Variants in ADA observed in about 807,000 individuals in gnomAD.
ADA encodes the protein adenosine aminohydrolase.
In ADA, 45 loss-of-function variants were observed where a neutral mutation model predicts 49.0. That is an observed-to-expected ratio of 0.92 (90% CI 0.72 to 1.18). ADA has a LOEUF of 1.18. ADA is among the 50% of genes most tolerant of loss of function. The pLI, the probability that ADA is intolerant of heterozygous loss-of-function variation, is 0.00. For synonymous variants in ADA, 173 were observed against 184.2 expected, an observed-to-expected ratio of 0.94 and a Z score of 0.49; for missense variants, 445 against 472.5, an observed-to-expected ratio of 0.94 and a Z score of 0.54.
At position 44,619,652 on chromosome 20, in the gene ADA, G is replaced by C; in HGVS notation, c.*182C>G. The C allele has an allele frequency of 1.3e-6, 1 of 749,670 alleles. No individual in the cohort carries two copies. The allele number at this position is 749,670 out of a possible 1,614,324, so 46.4% of individuals were successfully genotyped here. A position where few individuals can be genotyped will look rare whatever the true frequency, so the allele number is the denominator to read the frequency against. ...GGTCCCTGGCCAGGGCACATAATCA[G>C]AGAAGTGACGCGGCCATGCCGAGGT... On this transcript the variant is annotated 3_prime_UTR_variant, in exon 12 of 12. Transcript: ENST00000372874.
chr20:44,647,617 C>T lies in ADA; in HGVS notation c.33+3958G>A, dbSNP rs780315938. ...GCCTTGTCAAGTCGTCCAGAGGATT[C>T]CGTGAGATAAAAGTTACTAGCCGGG... On this transcript the variant is annotated intron_variant, in intron 1 of 11. Coordinates refer to ENST00000372874, the MANE Select transcript of ADA (RefSeq NM_000022.4). 3.3e-4 allele frequency among the ~76,000 whole-genome samples: 50 copies of T among 151,808 alleles called. 1 individual carries two copies. Among genetic ancestry groups the T allele is most frequent in the Non-Finnish European group, 5.6e-4 (38 of 68,004 alleles).
At chr20:44,622,260 C>T (rs950575404) in intron 9 of ADA, among the ~76,000 whole-genome samples, 4 of 152,218 alleles carry the variant, frequency 2.6e-5, no homozygotes, top group African/African-American at 7.2e-5. Flanking sequence ...GGGACTCCTG[C>T]TTCCTATGCG....
intron 2 of ADA, among the ~76,000 whole-genome samples, chr20:44,631,537 G>A (rs2145329399): frequency 1.3e-5 from 2 of 152,314 alleles, no homozygotes; most frequent in South Asian, 4.1e-4. Flanking sequence ...GCAGGGAGAT[G>A]ACACTAGGGC....
intron 1 of ADA, among the ~76,000 whole-genome samples, chr20:44,650,762 T>C (rs1191719693): frequency 6.6e-6 from 1 of 152,138 alleles, no homozygotes; most frequent in African/African-American, 2.4e-5. Flanking sequence ...GAAGGGTAAG[T>C]TGAGGCTGAC....
At chr20:44,620,503 T>TA (rs2065319238) in intron 10 of ADA, 102 bp from the exon 11 acceptor site, 7 of 985,112 alleles carry the variant, frequency 7.1e-6, no homozygotes, top group South Asian at 1.3e-5. Context: ...CATGGGCAGA[T>TA]ACGCTTAGAG....
At chr20:44,621,851 T>C (rs2065335371) in intron 9 of ADA, among the ~76,000 whole-genome samples, 1 of 152,104 alleles carries the variant, frequency 6.6e-6, no homozygotes, top group Non-Finnish European at 1.5e-5. Context: ...CTCCTGGATC[T>C]TTTTCCAGCC....
chr20:44,630,695 G>A (rs1346513233), intron 2 of ADA, among the ~76,000 whole-genome samples: 1 of 152,172 alleles, frequency 6.6e-6, no homozygotes, highest in Non-Finnish European at 1.5e-5. Context: ...TAAATCAGGA[G>A]GTCCAAGCAT....
chr20:44,630,777 C>T (rs928075541), intron 2 of ADA, among the ~76,000 whole-genome samples: 5 of 152,178 alleles, frequency 3.3e-5, no homozygotes, highest in Non-Finnish European at 7.3e-5. Context: ...AATCACAGTA[C>T]TTTGGGAAGC....
At chr20:44,644,747 T>C (rs2145355079) in intron 1 of ADA, among the ~76,000 whole-genome samples, 1 of 152,340 alleles carries the variant, frequency 6.6e-6, no homozygotes, top group African/African-American at 2.4e-5. Context: ...ATGCTCAGCC[T>C]CATCTAGGCT....
At chr20:44,634,491 T>TGGGC (rs1466830934) in intron 2 of ADA, among the ~76,000 whole-genome samples, 48 of 152,356 alleles carry the variant, frequency 3.2e-4, no homozygotes, top group African/African-American at 1.2e-3. Context: ...CTGTGCTTAC[T>TGGGC]GGGCACCTTA....
At chr20:44,641,677 G>T (rs974037486) in intron 1 of ADA, among the ~76,000 whole-genome samples, 1 of 152,162 alleles carries the variant, frequency 6.6e-6, no homozygotes, top group Admixed American at 6.5e-5. Context: ...AATGGGGGCG[G>T]TAGTCACGTC....
chr20:44,620,469 T>G, intron 10 of ADA, 68 bp from the exon 11 acceptor site: 1 of 1,306,348 alleles, frequency 7.7e-7, no homozygotes. Flanking sequence ...AGCAATGTAG[T>G]GATAGTCCAT....
chr20:44,647,280 C>CA (rs1313244607), intron 1 of ADA, among the ~76,000 whole-genome samples: 3 of 151,818 alleles, frequency 2.0e-5, no homozygotes, highest in Admixed American at 1.3e-4. Flanking sequence ...ACTAAAAATA[C>CA]AAAAAATTAG....
At chr20:44,643,858 T>C (rs1393397555) in intron 1 of ADA, among the ~76,000 whole-genome samples, 1 of 152,162 alleles carries the variant, frequency 6.6e-6, no homozygotes, top group Admixed American at 6.5e-5. Context: ...AGCCCCACTA[T>C]GTGCCAGGCA....
chr20:44,645,571 G>A (rs549950678), intron 1 of ADA, among the ~76,000 whole-genome samples: 2 of 151,934 alleles, frequency 1.3e-5, no homozygotes, highest in African/African-American at 4.8e-5. Context: ...GTAGTGAGCC[G>A]AGATTGCACC....
chr20:44,632,564 C>G (rs982207898), intron 2 of ADA, among the ~76,000 whole-genome samples: 1 of 152,132 alleles, frequency 6.6e-6, no homozygotes, highest in Non-Finnish European at 1.5e-5. Context: ...TCAGACTGAG[C>G]TGGAAAGCGC....
intron 1 of ADA, among the ~76,000 whole-genome samples, chr20:44,642,098 G>A (rs2065541365): frequency 6.6e-6 from 1 of 152,126 alleles, no homozygotes; most frequent in Admixed American, 6.6e-5. Flanking sequence ...CAATTCAAGA[G>A]CCCACCTCCC....
rs1297012057 is a variant in ADA at position 44,651,558 on chromosome 20, C to A, written c.33+17G>T. On this transcript the variant is annotated intron_variant, in intron 1 of 11. Coordinates refer to ENST00000372874, the MANE Select transcript of ADA (RefSeq NM_000022.4). ...AGGCGCCGGACCCCCGTCCCCGGAG[C>A]CCCCGCGCGCGCTCACTTTGGGCTT... 2.6e-6 allele frequency: 4 copies of A among 1,533,272 alleles called. No individual in the cohort carries two copies. Among genetic ancestry groups the A allele is most frequent in the Middle Eastern group, 1.9e-4 (1 of 5,196 alleles). 95.0% of individuals were successfully genotyped at this position (1,533,272 alleles called of 1,614,324 possible). A position where few individuals can be genotyped will look rare whatever the true frequency, so the allele number is the denominator to read the frequency against.
In ADA at chr20:44,620,349, A is replaced by G. The variant is rs775670821; in HGVS notation, c.1028T>C (p.Leu343Pro). The change falls in exon 11 of 12, where the codon CTT becomes CCT. Residue 343 changes from leucine to proline, a missense_variant. Transcript: ENST00000372874. ...ATAGGCTTTATAGAGCAGGTCGAGAAGCTCCCTCTTTTCATCTTCTGGGAG... is the reference window on the plus strand; with the variant it reads ...ATAGGCTTTATAGAGCAGGTCGAGAGGCTCCCTCTTTTCATCTTCTGGGAG... ...SFLPEDEKRE[L>P]LDLLYKAYGM... 1.9e-6 allele frequency: 3 copies of G among 1,614,232 alleles called. No individual in the cohort carries two copies. In the South Asian group the frequency reaches 3.3e-5, roughly 18 times the overall value.
Sources: allele counts gnomAD v4.1 joint callset (sites outside exome capture counted in the v4.1 genomes callset), GRCh38; gene constraint gnomAD v4.1.1; transcripts MANE v1.5; gene names NCBI Gene and HGNC (gene_info 2026-07-23, HGNC 2026-07-21).